The following PLEKHA7 variants were observed in gnomAD, a reference collection of about 807,000 sequenced individuals.
PLEKHA7 encodes pleckstrin homology domain-containing family A member 7.
PLEKHA7 carries 104 observed loss-of-function variants against 170.0 expected under a neutral mutation model. The ratio of observed to expected loss-of-function variants is 0.61; its 90% CI spans 0.52 to 0.72. The LOEUF (loss-of-function observed/expected upper bound fraction) is 0.72, where lower values mean the gene tolerates loss of function less well. PLEKHA7 is among the 30% of genes least tolerant of loss of function. The pLI is 0.00. For synonymous variants in PLEKHA7, 648 were observed against 660.8 expected, an observed-to-expected ratio of 0.98 and a Z score of 0.30; for missense variants, 1,615 against 1,671.7, an observed-to-expected ratio of 0.97 and a Z score of 0.59.
At chr11:16,831,846 T>C (rs1244427097) in intron 9 of PLEKHA7, among the ~76,000 whole-genome samples, 4 of 152,210 alleles carry the variant, frequency 2.6e-5, no homozygotes, top group Non-Finnish European at 5.9e-5. Flanking sequence ...TGCCCTCAGA[T>C]ACAAATGTCT....
At chr11:16,876,223 C>G (rs1462571394) in intron 3 of PLEKHA7, among the ~76,000 whole-genome samples, 1 of 152,238 alleles carries the variant, frequency 6.6e-6, no homozygotes, top group African/African-American at 2.4e-5. Flanking sequence ...GACACATCCC[C>G]TGAAATACCT....
intron 15 of PLEKHA7, 62 bp downstream of exon 15, chr11:16,802,910 C>T: frequency 1.5e-6 from 2 of 1,376,758 alleles, no homozygotes; most frequent in South Asian, 2.3e-5. Context: ...GCCTATGTCT[C>T]AAGAAAGACA....
chr11:16,907,358 G>C (rs1398033855), intron 3 of PLEKHA7, among the ~76,000 whole-genome samples: 1 of 134,310 alleles, frequency 7.4e-6, no homozygotes, highest in Admixed American at 7.3e-5. Flanking sequence ...CCCTCTGCCC[G>C]GCCAGCCGCC....
In PLEKHA7 at chr11:16,871,094, C is replaced by T; in HGVS notation, c.305+5G>A. On this transcript the variant is annotated splice_donor_5th_base_variant and intron_variant, in intron 4 of 26. Transcript: ENST00000531066. ...CAGATAAGGAGAATACATAAAAAGA[C>T]TTACTCTTCTTGAAGAATGAATTCA... 2 of 1,580,078 alleles carry T rather than the reference C, an allele frequency of 1.3e-6. No homozygotes were observed. Among genetic ancestry groups the T allele is most frequent in the Non-Finnish European group, 8.7e-7 (1 of 1,149,538 alleles).
intron 9 of PLEKHA7, among the ~76,000 whole-genome samples, chr11:16,832,731 G>T (rs1851215245): frequency 6.6e-6 from 1 of 152,156 alleles, no homozygotes; most frequent in African/African-American, 2.4e-5. Context: ...CCACTGGAGG[G>T]ATCCCTCCCT....
intron 3 of PLEKHA7, among the ~76,000 whole-genome samples, chr11:16,979,339 T>C (rs1010609136): frequency 5.3e-5 from 8 of 152,120 alleles, no homozygotes; most frequent in Non-Finnish European, 1.0e-4. Context: ...CCCAACCTGA[T>C]TCTTTACTCG....
chr11:16,903,225 A>T (rs1042597888), intron 3 of PLEKHA7, among the ~76,000 whole-genome samples: 3 of 152,210 alleles, frequency 2.0e-5, no homozygotes, highest in African/African-American at 7.2e-5. Flanking sequence ...GGAAGGAAGG[A>T]AGGTCTTAGT....
At chr11:16,805,608 G>A (rs1025440017) in intron 13 of PLEKHA7, among the ~76,000 whole-genome samples, 1 of 151,816 alleles carries the variant, frequency 6.6e-6, no homozygotes, top group Admixed American at 6.6e-5. Context: ...TGGCCAACAT[G>A]GTGAAACCCC....
intron 3 of PLEKHA7, among the ~76,000 whole-genome samples, chr11:16,977,757 G>A (rs1863160748): frequency 6.6e-6 from 1 of 152,122 alleles, no homozygotes; most frequent in Admixed American, 6.6e-5. Flanking sequence ...AGGATCTTTG[G>A]TAACTAGATC....
chr11:16,882,090 G>C (rs993724889), intron 3 of PLEKHA7, among the ~76,000 whole-genome samples: 2 of 152,214 alleles, frequency 1.3e-5, no homozygotes, highest in African/African-American at 4.8e-5. Context: ...GCTCCATGGG[G>C]CAGAGACTAG....
At chr11:16,866,531 G>A (rs1170690208) in intron 4 of PLEKHA7, among the ~76,000 whole-genome samples, 1 of 152,042 alleles carries the variant, frequency 6.6e-6, no homozygotes, top group Non-Finnish European at 1.5e-5. Flanking sequence ...GGCGGAGGTT[G>A]CAGTGAGCTG....
intron 3 of PLEKHA7, among the ~76,000 whole-genome samples, chr11:16,944,454 G>C (rs1860891909): frequency 6.6e-6 from 1 of 150,990 alleles, no homozygotes; most frequent in African/African-American, 2.4e-5. Context: ...GGAGGTTGCA[G>C]TGAGCTGAGA....
intron 3 of PLEKHA7, among the ~76,000 whole-genome samples, chr11:16,889,420 A>ATATATATAT (rs1554964152): frequency 1.3e-5 from 1 of 74,686 alleles, no homozygotes; most frequent in Non-Finnish European, 2.4e-5. Flanking sequence ...AAAAAAAAAA[A>ATATATATAT]ATATATATAT....
intron 10 of PLEKHA7, among the ~76,000 whole-genome samples, chr11:16,822,199 C>T (rs534702047): frequency 1.1e-4 from 16 of 152,270 alleles, no homozygotes; most frequent in African/African-American, 3.9e-4. Flanking sequence ...CAACTTATCA[C>T]TGCATATCAG....
At chr11:16,840,292 G>A (rs982345080) in intron 9 of PLEKHA7, among the ~76,000 whole-genome samples, 1 of 152,184 alleles carries the variant, frequency 6.6e-6, no homozygotes, top group African/African-American at 2.4e-5. Context: ...CGGGCGTGGT[G>A]GCTCATGCCT....
chr11:16,786,612 T>G (rs1849413904), intron 23 of PLEKHA7: 1 of 985,272 alleles, frequency 1.0e-6, no homozygotes, highest in African/African-American at 1.7e-5. Flanking sequence ...CATACACCCT[T>G]GGGGCACAGG....
chr11:16,794,500 C>T lies in PLEKHA7; in HGVS notation c.2733G>A (p.Ala911=), dbSNP rs572316125. 16 of 1,613,660 alleles carry T rather than the reference C, an allele frequency of 9.9e-6. No individual in the cohort carries two copies. The highest frequency in any genetic ancestry group is 7.7e-5 in the South Asian group (7 of 91,074). ...VTSPLQSPTK[A]KPKVEDEAPP... ...TATCACTACTTACAACTTTGGGCTT[C>T]GCCTTAGTTGGTGACTGAAGGGGGG... The change falls in exon 19 of 27, where the codon GCG becomes GCA. Residue 911 remains alanine, a synonymous_variant. Coordinates refer to ENST00000531066, the MANE Select transcript of PLEKHA7 (RefSeq NM_001329630.2).
intron 9 of PLEKHA7, among the ~76,000 whole-genome samples, chr11:16,837,915 T>C (rs1851644293): frequency 6.6e-6 from 1 of 152,070 alleles, no homozygotes; most frequent in Non-Finnish European, 1.5e-5. Context: ...CAACTATCGG[T>C]GGTGCCCCAG....
chr11:16,962,539 C>T (rs1862127249), intron 3 of PLEKHA7, among the ~76,000 whole-genome samples: 1 of 152,198 alleles, frequency 6.6e-6, no homozygotes, highest in Non-Finnish European at 1.5e-5. Flanking sequence ...CAGCTCACTG[C>T]AACCTGTATC....
Sources: gnomAD v4.1 joint callset for allele counts (sites outside exome capture counted in the v4.1 genomes callset) on GRCh38, gnomAD v4.1.1 for gene constraint, MANE v1.5 for transcripts, NCBI Gene and HGNC (gene_info 2026-07-23, HGNC 2026-07-21) for gene names.